SP110: variants seen among roughly 807,000 people sequenced by gnomAD.
SP110 encodes the protein SP110 nuclear body protein.
Under a neutral mutation model 92.7 loss-of-function variants are expected in SP110, and 62 were observed. That is an observed-to-expected ratio of 0.67 (90% CI 0.55 to 0.83). SP110 has a LOEUF of 0.83. Ranked by LOEUF, SP110 falls within the 40% of genes least tolerant of loss-of-function variation. The pLI is 0.00. For synonymous variants in SP110, 273 were observed against 305.3 expected (o/e 0.89, Z 1.10); for missense variants, 793 against 863.9 (o/e 0.92, Z 1.03).
Position 230,172,801 on chromosome 2 carries a change from A to T in SP110, c.1706+43T>A, listed in dbSNP as rs761553052. 8.5e-6 allele frequency: 11 copies of T among 1,296,090 alleles called. No homozygotes were observed. The South Asian group carries it at 1.3e-4, about 15-fold the overall frequency. The allele number at this position is 1,296,090 out of a possible 1,614,324, so 80.3% of individuals were successfully genotyped here. A position where few individuals can be genotyped will look rare whatever the true frequency, so the allele number is the denominator to read the frequency against. ...CACAGGTCCTGCCCTTTCCATCTGGAGGTGAGTGCTGTGTGCCCGAGGCGG... is the reference window on the plus strand; with the variant it reads ...CACAGGTCCTGCCCTTTCCATCTGGTGGTGAGTGCTGTGTGCCCGAGGCGG... On this transcript the variant is annotated intron_variant, in intron 15 of 18. Transcript: ENST00000258381.
At chr2:230,221,173 T>C (rs1013869645), upstream of SP110, among the ~76,000 whole-genome samples, 15 of 146,444 alleles carry the variant, frequency 1.0e-4, no homozygotes, top group African/African-American at 3.8e-4. Flanking sequence ...CCCAGCTACT[T>C]GGGAGGCTGA....
Position 230,211,434 on chromosome 2 carries a change from A to G in SP110, c.751+36T>C. On this transcript the variant is annotated intron_variant, in intron 6 of 18. Coordinates refer to ENST00000258381, the MANE Select transcript of SP110 (RefSeq NM_080424.4). This position sits in a 1 kb window ranked among gnomAD's most constrained non-coding sequence, Gnocchi z 4.2. ...TTTTCCTCTTAGTAAACACAGAAAC[A>G]AAGGCAAGCTTTTAGGTTGACCAAA... 4 of 1,326,150 alleles carry G rather than the reference A, an allele frequency of 3.0e-6. No homozygotes were observed. The highest frequency in any genetic ancestry group is 4.4e-6 in the Non-Finnish European group (4 of 917,236). 82.1% of individuals were successfully genotyped at this position (1,326,150 alleles called of 1,614,324 possible). A position where few individuals can be genotyped will look rare whatever the true frequency, so the allele number is the denominator to read the frequency against.
At chr2:230,214,878 G>A in intron 3 of SP110, 72 bp downstream of exon 3, 2 of 1,284,276 alleles carry the variant, frequency 1.6e-6, no homozygotes, top group Non-Finnish European at 2.3e-6. Context: ...TATTCCACAG[G>A]GCTAGAAGTA....
intron 18 of SP110, 85 bp downstream of exon 18, chr2:230,170,536 A>G (rs1394625878): frequency 6.7e-7 from 1 of 1,490,908 alleles, no homozygotes; most frequent in African/African-American, 1.4e-5. Flanking sequence ...GCTGAAACTG[A>G]GTGTAATACT....
chr2:230,211,470 C>T lies in SP110; in HGVS notation c.751G>A (p.Glu251Lys). The change falls in exon 6 of 19, where the codon GAG becomes AAG. Residue 251 changes from glutamate to lysine, a missense_variant and splice_region_variant. Glu to Lys is a moderately conservative substitution (Grantham distance 56, BLOSUM62 1). Transcript: ENST00000258381. This position sits in a 1 kb window ranked among gnomAD's most constrained non-coding sequence, Gnocchi z 4.2. ...TTTAGGTTGACCAAACCAAGATTAC[C>T]TGGCATAGAGCCCAAGGGAGAGTGG... ...MPHSPLGSMP[E>K]IRDNSPEPND... 2 of 1,585,216 alleles carry T rather than the reference C, an allele frequency of 1.3e-6. No homozygotes were observed. The highest frequency in any genetic ancestry group is 1.7e-6 in the Non-Finnish European group (2 of 1,153,602).
chr2:230,169,311 T>G (rs1289782871), intron 18 of SP110, 74 bp from the exon 19 acceptor site: 12 of 941,080 alleles, frequency 1.3e-5, no homozygotes, highest in Middle Eastern at 4.2e-4. Context: ...ATACTTTTTT[T>G]TGTGTTTTTG....
At position 230,200,868 on chromosome 2, in the gene SP110, CAATCTCCAAGTTTTACCTTGT is replaced by C; in HGVS notation, c.1125_1129+16del. On this transcript the variant is annotated splice_donor_variant and splice_donor_5th_base_variant and coding_sequence_variant and intron_variant, in exon 10 of 19. Transcript: ENST00000258381. LOFTEE classifies it high-confidence loss of function. Reference sequence around the variant, plus strand: ...CCTGGTGACTGTACTCTGAGACCAGCAATCTCCAAGTTTTACCTTGTGTGACCCTTCGTGGTGTACTAGGCG... The same window carrying C: ...CCTGGTGACTGTACTCTGAGACCAGCGTGACCCTTCGTGGTGTACTAGGCG... 1 of 1,572,874 alleles carries C rather than the reference CAATCTCCAAGTTTTACCTTGT, an allele frequency of 6.4e-7. No homozygotes were observed. The highest frequency in any genetic ancestry group is 8.8e-7 in the Non-Finnish European group (1 of 1,142,502).
chr2:230,175,470 G>A (rs1440886208), intron 14 of SP110, among the ~76,000 whole-genome samples: 1 of 152,146 alleles, frequency 6.6e-6, no homozygotes, highest in Non-Finnish European at 1.5e-5. Context: ...TTGCTATTAT[G>A]ATGTTACACT....
intron 8 of SP110, among the ~76,000 whole-genome samples, chr2:230,207,198 C>T (rs2043963323): frequency 6.6e-6 from 1 of 152,110 alleles, no homozygotes; most frequent in African/African-American, 2.4e-5. Flanking sequence ...TCTCATGTAT[C>T]TAAACAGAAA....
intron 10 of SP110, among the ~76,000 whole-genome samples, chr2:230,194,246 AAG>A (rs2042763828): frequency 6.6e-6 from 1 of 152,122 alleles, no homozygotes; most frequent in Non-Finnish European, 1.5e-5. Context: ...TACAGAATCC[AAG>A]AGAATCCCCA....
At chr2:230,222,609 C>T (rs770460765), upstream of SP110, among the ~76,000 whole-genome samples, 6 of 151,506 alleles carry the variant, frequency 4.0e-5, no homozygotes, top group Non-Finnish European at 8.8e-5. Flanking sequence ...CTGTGGTCCC[C>T]GCTATCAGGG....
intron 9 of SP110, among the ~76,000 whole-genome samples, chr2:230,201,330 G>A (rs2043165999): frequency 6.6e-6 from 1 of 152,168 alleles, no homozygotes; most frequent in Non-Finnish European, 1.5e-5. Context: ...ATAATATGAT[G>A]TTATTTGCCT....
At position 230,170,678 on chromosome 2, in the gene SP110, C is replaced by T. The variant is rs2078415329; in HGVS notation, c.1971G>A (p.Val657=). 1.2e-6 allele frequency: 2 copies of T among 1,613,976 alleles called. No homozygotes were observed. Among genetic ancestry groups the T allele is most frequent in the Non-Finnish European group, 8.5e-7 (1 of 1,180,012 alleles). ...GGCGCATGTCTCGCACAAACCATGC[C>T]ACCGTGTACATTTCCGTAATCAGCC... ...KERLITEMYT[V]AWFVRDMRLM... is the part of the protein sequence containing the mutation. The change falls in exon 18 of 19, where the codon GTG becomes GTA. Residue 657 remains valine, a synonymous_variant. Coordinates refer to ENST00000258381, the MANE Select transcript of SP110 (RefSeq NM_080424.4).
chr2:230,201,021 C>T (rs567078797), intron 9 of SP110, 56 bp from the exon 10 acceptor site: 1 of 1,378,854 alleles, frequency 7.3e-7, no homozygotes, highest in African/African-American at 1.4e-5. Context: ...GGAGAATCTC[C>T]CAGAGACCCA....
Position 230,201,093 on chromosome 2 carries a change from A to G in SP110, c.1049-128T>C, listed in dbSNP as rs1024141677. 6 of 761,722 alleles carry G rather than the reference A, an allele frequency of 7.9e-6. No individual in the cohort carries two copies. The Admixed American group carries it at 9.3e-5, about 12-fold the overall frequency. The allele number at this position is 761,722 out of a possible 1,614,324, so 47.2% of individuals were successfully genotyped here. A position where few individuals can be genotyped will look rare whatever the true frequency, so the allele number is the denominator to read the frequency against. Reference sequence around the variant, plus strand: ...GGCTCCAGGTCTTACCCTCCTAACAATGCATCTACCAAGAGATTTGGTGCT... The same window carrying G: ...GGCTCCAGGTCTTACCCTCCTAACAGTGCATCTACCAAGAGATTTGGTGCT... On this transcript the variant is annotated intron_variant, in intron 9 of 18. Coordinates refer to ENST00000258381, the MANE Select transcript of SP110 (RefSeq NM_080424.4).
chr2:230,216,782 A>T lies in SP110; in HGVS notation c.146T>A (p.Met49Lys). Reference protein sequence around the residue: ...DNSIITKRMYMESLEACRNLI... With the variant: ...DNSIITKRMYKESLEACRNLI... ...ATGGAAGGGTTCAACATGACTCACC[A>T]TGTACATTCTCTTAGTGATGATGGA... Residue 49 changes from methionine (M) to lysine (K), a missense_variant and splice_region_variant, in exon 2 of 19, where the codon ATG becomes AAG. By Grantham distance (95) the Met-to-Lys change is moderately conservative. Coordinates refer to ENST00000258381, the MANE Select transcript of SP110 (RefSeq NM_080424.4). 1 of 1,613,954 alleles carries T rather than the reference A, an allele frequency of 6.2e-7. No individual in the cohort carries two copies. The highest frequency in any genetic ancestry group is 1.3e-5 in the African/African-American group (1 of 75,034).
chr2:230,172,382 G>A (rs2078468878), intron 15 of SP110: 1 of 621,938 alleles, frequency 1.6e-6, no homozygotes. Context: ...CCTGAGGAAG[G>A]TGGTGTCACT....
intron 12 of SP110, among the ~76,000 whole-genome samples, chr2:230,179,283 G>C (rs1014261606): frequency 1.3e-5 from 2 of 152,140 alleles, no homozygotes; most frequent in African/African-American, 2.4e-5. Context: ...CAGGATGCCT[G>C]GCCTCACAGG....
chr2:230,208,940 G>T (rs565575994), intron 7 of SP110, among the ~76,000 whole-genome samples: 11 of 152,286 alleles, frequency 7.2e-5, no homozygotes, highest in African/African-American at 2.6e-4. Flanking sequence ...TAAAAAGCTG[G>T]GAAGCAAAGA....
Sources: gnomAD v4.1 joint callset for allele counts (sites outside exome capture counted in the v4.1 genomes callset) on GRCh38, gnomAD v4.1.1 for gene constraint, Gnocchi (gnomAD v3.1) non-coding constraint, MANE v1.5 for transcripts, NCBI Gene and HGNC (gene_info 2026-07-23, HGNC 2026-07-21) for gene names.